The following MSI2 variants were observed in gnomAD, a reference collection of about 807,000 sequenced individuals.
MSI2 encodes RNA-binding protein Musashi homolog 2.
A neutral mutation model predicts 45.6 loss-of-function variants in MSI2; 17 were observed. The observed-to-expected ratio is 0.37, with a 90% CI of 0.26 to 0.56. MSI2 has a LOEUF of 0.56. MSI2 is among the 20% of genes least tolerant of loss of function. The pLI is 0.77. For missense variants in MSI2, 293 were observed against 444.2 expected, an observed-to-expected ratio of 0.66 and a Z score of 3.06; for synonymous variants, 156 against 158.2, an observed-to-expected ratio of 0.99 and a Z score of 0.11.
At position 57,512,968 on chromosome 17, in the gene MSI2, C is replaced by CTTTTTTTTTTTTTTTTTT. The variant is rs34727727; in HGVS notation, c.406-16691_406-16690insTTTTTTTTTTTTTTTTTT. ...ATATTGCACATGAATTAGCTTCTTC[C>CTTTTTTTTTTTTTTTTTT]TTTTTTTTTTTTTTTTTCCTTCTGA... On this transcript the variant is annotated intron_variant, in intron 6 of 13. Coordinates refer to ENST00000284073, the MANE Select transcript of MSI2 (RefSeq NM_138962.4). 3.5e-5 allele frequency among the ~76,000 whole-genome samples: 4 copies of CTTTTTTTTTTTTTTTTTT among 114,718 alleles called. 1 individual carries two copies. Among genetic ancestry groups the CTTTTTTTTTTTTTTTTTT allele is most frequent in the Non-Finnish European group, 5.0e-5 (3 of 59,486 alleles). 75.3% of individuals were successfully genotyped at this position (114,718 alleles called of 152,430 possible).
At chr17:57,665,883 T>C (rs1405395469) in intron 11 of MSI2, among the ~76,000 whole-genome samples, 2 of 152,200 alleles carry the variant, frequency 1.3e-5, no homozygotes, top group Non-Finnish European at 2.9e-5. Flanking sequence ...ACCCCACCAG[T>C]ACTGCAAGTC....
chr17:57,507,265 GTGTGTGTGTGTGTGTC>G (rs2086257756), intron 6 of MSI2, among the ~76,000 whole-genome samples: 1 of 141,516 alleles, frequency 7.1e-6, no homozygotes, highest in Non-Finnish European at 1.5e-5. Context: ...GTGTGTGTGT[GTGTGTGTGTGTGTGTC>G]TCCCCCACCC....
intron 5 of MSI2, among the ~76,000 whole-genome samples, chr17:57,315,789 C>T (rs1912807638): frequency 2.6e-5 from 4 of 152,128 alleles, no homozygotes; most frequent in African/African-American, 7.2e-5. Context: ...AAACCTTTTT[C>T]GGCAGCTTTG....
At chr17:57,331,891 T>C (rs1000618182) in intron 5 of MSI2, among the ~76,000 whole-genome samples, 1 of 152,222 alleles carries the variant, frequency 6.6e-6, no homozygotes. Context: ...ATTGCTACTC[T>C]CGAGTTGCTT....
intron 7 of MSI2, among the ~76,000 whole-genome samples, chr17:57,540,939 T>C (rs1217935836): frequency 1.3e-5 from 2 of 152,194 alleles, no homozygotes; most frequent in Non-Finnish European, 2.9e-5. Flanking sequence ...ACTACTGGCC[T>C]GCAGTCCTGG....
chr17:57,407,274 C>G lies in MSI2; in HGVS notation c.405+5803C>G, dbSNP rs144677438. 3.3e-5 allele frequency among the ~76,000 whole-genome samples: 5 copies of G among 152,030 alleles called. No homozygotes were observed. On this transcript the variant is annotated intron_variant, in intron 6 of 13. Coordinates refer to ENST00000284073, the MANE Select transcript of MSI2 (RefSeq NM_138962.4). This position sits in a 1 kb window ranked among gnomAD's most constrained non-coding sequence, Gnocchi z 4.1. ...CTGGGTGCCTGCGATCTCCCAGCTC[C>G]GGGGTTTTCTGTGCAGGTGCGAAGC...
intron 6 of MSI2, among the ~76,000 whole-genome samples, chr17:57,514,465 A>G (rs1251938261): frequency 1.3e-5 from 2 of 152,158 alleles, no homozygotes; most frequent in Non-Finnish European, 2.9e-5. Flanking sequence ...AATATGTTAG[A>G]TTGCAGTGCA....
rs145291190 is a variant in MSI2 at position 57,359,458 on chromosome 17, T to C, written c.313-41921T>C. Among the ~76,000 whole-genome samples, 720 of 152,306 alleles carry C rather than the reference T, an allele frequency of 4.7e-3. 4 individuals carry two copies. The highest frequency in any genetic ancestry group is 0.01 in the Middle Eastern group (3 of 294). On this transcript the variant is annotated intron_variant, in intron 5 of 13. Transcript: ENST00000284073. ...ATTCTGTAATTCTGGGGGGCGGACT[T>C]ACCTGTCTGAGTCTTAGTTTCTTCA...
chr17:57,502,143 G>A (rs1429334309), intron 6 of MSI2, among the ~76,000 whole-genome samples: 1 of 152,150 alleles, frequency 6.6e-6, no homozygotes, highest in Non-Finnish European at 1.5e-5. Context: ...CCAGGGGAGA[G>A]AGAATGAGTT....
chr17:57,295,045 T>C (rs1188391300), intron 5 of MSI2, among the ~76,000 whole-genome samples: 3 of 151,760 alleles, frequency 2.0e-5, no homozygotes, highest in Admixed American at 2.0e-4. Context: ...GAAGGCTTCA[T>C]AGAGGAAGTG....
rs148922329 is a variant in MSI2 at position 57,640,015 on chromosome 17, G to A, written c.728-12084G>A. ...GGCCCCTGCCTGCTTGTTGGGAACAGAGCAGCAAACAGGATTCCACTCTGG... is the reference window on the plus strand; with the variant it reads ...GGCCCCTGCCTGCTTGTTGGGAACAAAGCAGCAAACAGGATTCCACTCTGG... On this transcript the variant is annotated intron_variant, in intron 10 of 13. Coordinates refer to ENST00000284073, the MANE Select transcript of MSI2 (RefSeq NM_138962.4). 2.3e-3 allele frequency among the ~76,000 whole-genome samples: 357 copies of A among 152,310 alleles called. 8 individuals carry two copies. The East Asian group carries it at 0.029, about 12-fold the overall frequency.
chr17:57,351,598 G>A (rs771074547), intron 5 of MSI2, among the ~76,000 whole-genome samples: 47 of 152,228 alleles, frequency 3.1e-4, no homozygotes, highest in Non-Finnish European at 3.5e-4. Context: ...GCTCATGCCT[G>A]TAATCCCAGC....
At chr17:57,687,292 C>CAA (rs146131619), downstream of MSI2, among the ~76,000 whole-genome samples, 3 of 149,896 alleles carry the variant, frequency 2.0e-5, no homozygotes, top group Non-Finnish European at 4.5e-5. Context: ...AAATAGCAAC[C>CAA]AAAAAAACTA....
chr17:57,568,923 C>T (rs955328519), intron 7 of MSI2, among the ~76,000 whole-genome samples: 1 of 152,124 alleles, frequency 6.6e-6, no homozygotes, highest in Non-Finnish European at 1.5e-5. Flanking sequence ...CTGGCTGGTA[C>T]CGGGGAGAAG....
intron 11 of MSI2, among the ~76,000 whole-genome samples, chr17:57,669,812 A>G (rs1912648705): frequency 6.6e-6 from 1 of 152,112 alleles, no homozygotes; most frequent in South Asian, 2.1e-4. Flanking sequence ...TGGGCCCTCC[A>G]TTGCATTTGC....
chr17:57,525,003 G>T (rs906632481), intron 6 of MSI2, among the ~76,000 whole-genome samples: 4 of 152,164 alleles, frequency 2.6e-5, no homozygotes, highest in African/African-American at 9.7e-5. Flanking sequence ...CTGGCTCTGA[G>T]GCCCCCGGGA....
At chr17:57,401,310 C>G in intron 5 of MSI2, 69 bp from the exon 6 acceptor site, 2 of 1,283,754 alleles carry the variant, frequency 1.6e-6, no homozygotes, top group South Asian at 1.2e-5. Context: ...CAGATTGTTT[C>G]AGCAGCCTCT....
At chr17:57,392,741 G>A (rs1396610495) in intron 5 of MSI2, among the ~76,000 whole-genome samples, 1 of 152,152 alleles carries the variant, frequency 6.6e-6, no homozygotes, top group East Asian at 1.9e-4. Flanking sequence ...GTGACCTGAG[G>A]CCTGTGGAAT....
At chr17:57,496,468 C>A (rs1371654757) in intron 6 of MSI2, among the ~76,000 whole-genome samples, 3 of 152,212 alleles carry the variant, frequency 2.0e-5, no homozygotes, top group East Asian at 1.9e-4. Context: ...TTTCTCAGCC[C>A]GGTGAGGCCG....
Sources: allele counts gnomAD v4.1 joint callset (sites outside exome capture counted in the v4.1 genomes callset), GRCh38; gene constraint gnomAD v4.1.1; non-coding constraint Gnocchi (gnomAD v3.1); transcripts MANE v1.5; gene names NCBI Gene and HGNC (gene_info 2026-07-23, HGNC 2026-07-21).